TRAPPC9: variants seen among roughly 807,000 people sequenced by gnomAD.
TRAPPC9 encodes the protein trafficking protein particle complex subunit 9.
TRAPPC9 carries 83 observed loss-of-function variants against 124.0 expected under a neutral mutation model. The ratio of observed to expected loss-of-function variants is 0.67; its 90% CI spans 0.56 to 0.80. The LOEUF (loss-of-function observed/expected upper bound fraction) is 0.80. TRAPPC9 is among the 30% of genes least tolerant of loss of function. The probability of loss-of-function intolerance (pLI) is 0.00; values close to 1 mark genes in which losing one functional copy is unlikely to be tolerated. For missense variants in TRAPPC9, 1,302 were observed against 1,508.3 expected (o/e 0.86, Z 2.27); for synonymous variants, 638 against 617.5 (o/e 1.03, Z -0.49).
At chr8:139,887,033 C>A (rs548039910) in intron 20 of TRAPPC9, among the ~76,000 whole-genome samples, 3 of 152,150 alleles carry the variant, frequency 2.0e-5, no homozygotes, top group South Asian at 4.2e-4. Flanking sequence ...CTCAGCAGAG[C>A]GGGCATATCC....
chr8:139,915,328 C>A (rs1832053858), intron 19 of TRAPPC9, among the ~76,000 whole-genome samples: 1 of 152,136 alleles, frequency 6.6e-6, no homozygotes, highest in Non-Finnish European at 1.5e-5. Context: ...CTCACTGCAA[C>A]CTCCGCTTCC....
chr8:140,358,993 G>A (rs918248952), intron 9 of TRAPPC9, among the ~76,000 whole-genome samples: 2 of 152,294 alleles, frequency 1.3e-5, no homozygotes, highest in Admixed American at 1.3e-4. Flanking sequence ...GTCAGCAGAA[G>A]CCTTGTCTCC....
chr8:139,952,591 C>G (rs778436542), intron 19 of TRAPPC9, among the ~76,000 whole-genome samples: 1 of 151,948 alleles, frequency 6.6e-6, no homozygotes, highest in Non-Finnish European at 1.5e-5. Context: ...GAAAAGGGAA[C>G]AAGAGGATAG....
chr8:140,302,637 G>A (rs752192139), intron 10 of TRAPPC9: 27 of 152,226 alleles, frequency 1.8e-4, no homozygotes, highest in African/African-American at 6.0e-4. Flanking sequence ...TCAGGAAAGC[G>A]ACGCCAGACG....
intron 21 of TRAPPC9, among the ~76,000 whole-genome samples, chr8:139,850,902 T>C (rs889852099): frequency 6.6e-6 from 1 of 152,174 alleles, no homozygotes; most frequent in African/African-American, 2.4e-5. Flanking sequence ...ATTCCTGATA[T>C]GGCAGGATCA....
At chr8:140,272,740 G>A (rs1395758194) in intron 15 of TRAPPC9, among the ~76,000 whole-genome samples, 1 of 151,970 alleles carries the variant, frequency 6.6e-6, no homozygotes, top group Non-Finnish European at 1.5e-5. Flanking sequence ...GGGGAGAGGG[G>A]AGGAGGCACC....
chr8:139,836,006 A>C lies in TRAPPC9; in HGVS notation c.3055+49873T>G, dbSNP rs535328362. Among the ~76,000 whole-genome samples the C allele has an allele frequency of 3.4e-3, 419 of 122,744 alleles. 3 individuals are homozygous for C. Among genetic ancestry groups the C allele is most frequent in the African/African-American group, 0.019 (397 of 20,724 alleles). 80.5% of individuals were successfully genotyped at this position (122,744 alleles called of 152,430 possible). ...GGGTGTAGCACAAAGGGAAGCATTT[A>C]TTTATTTATTTATTTTTTTTGAGAC... On this transcript the variant is annotated intron_variant, in intron 21 of 22. Transcript: ENST00000438773.
intron 9 of TRAPPC9, among the ~76,000 whole-genome samples, chr8:140,351,716 T>A (rs1295543977): frequency 1.3e-5 from 2 of 152,220 alleles, no homozygotes; most frequent in South Asian, 2.1e-4. Flanking sequence ...GGTTTTGGTA[T>A]CCAAGAGAGA....
chr8:140,351,682 A>G (rs1236668922), intron 9 of TRAPPC9, among the ~76,000 whole-genome samples: 1 of 152,216 alleles, frequency 6.6e-6, no homozygotes, highest in African/African-American at 2.4e-5. Flanking sequence ...ATGCCATTTT[A>G]TATCAGGGAC....
chr8:140,430,966 G>A (rs968550866), intron 4 of TRAPPC9, among the ~76,000 whole-genome samples: 1 of 151,960 alleles, frequency 6.6e-6, no homozygotes, highest in East Asian at 1.9e-4. Context: ...CACTAATAAG[G>A]GCGGAATTTT....
chr8:140,380,691 A>AC (rs2068580057), intron 7 of TRAPPC9, among the ~76,000 whole-genome samples: 2 of 148,544 alleles, frequency 1.3e-5, no homozygotes, highest in African/African-American at 5.0e-5. Context: ...AATAAATTGG[A>AC]CCCCCTAACT....
rs78658320 is a variant in TRAPPC9 at position 140,350,563 on chromosome 8, G to A, written c.1495+9487C>T. 8.0e-3 allele frequency among the ~76,000 whole-genome samples: 1,221 copies of A among 152,198 alleles called. 13 individuals are homozygous for A. Among genetic ancestry groups the A allele is most frequent in the Non-Finnish European group, 0.014 (930 of 68,006 alleles). ...AGGACAAGGCAGATGGGGTCTGCTAGCCTCTCACGTTAAGACTGGGAAACG... is the reference window on the plus strand; with the variant it reads ...AGGACAAGGCAGATGGGGTCTGCTAACCTCTCACGTTAAGACTGGGAAACG... On this transcript the variant is annotated intron_variant, in intron 9 of 22. Coordinates refer to ENST00000438773, the MANE Select transcript of TRAPPC9 (RefSeq NM_001160372.4).
intron 17 of TRAPPC9, among the ~76,000 whole-genome samples, chr8:140,070,933 G>C (rs772774870): frequency 2.0e-5 from 3 of 152,234 alleles, no homozygotes; most frequent in Non-Finnish European, 4.4e-5. Context: ...CTCAGGCTCT[G>C]TTGTGAAGCA....
At chr8:139,841,408 C>T (rs1826722089) in intron 21 of TRAPPC9, among the ~76,000 whole-genome samples, 1 of 152,244 alleles carries the variant, frequency 6.6e-6, no homozygotes, top group African/African-American at 2.4e-5. Context: ...GCACAGGAGC[C>T]TGCTGGTGGG....
chr8:140,429,615 G>A (rs906967135), intron 4 of TRAPPC9, among the ~76,000 whole-genome samples: 3 of 152,034 alleles, frequency 2.0e-5, no homozygotes, highest in African/African-American at 7.2e-5. Flanking sequence ...CGACCAGCCT[G>A]GCCAACATGG....
At chr8:140,456,561 T>C (rs980411679) in intron 1 of TRAPPC9, among the ~76,000 whole-genome samples, 10 of 151,178 alleles carry the variant, frequency 6.6e-5, no homozygotes, top group African/African-American at 2.4e-4. Flanking sequence ...CAACTGTTTT[T>C]CCCTCTACAC....
At chr8:139,952,041 G>C (rs2131511372) in intron 19 of TRAPPC9, among the ~76,000 whole-genome samples, 1 of 152,262 alleles carries the variant, frequency 6.6e-6, no homozygotes, top group South Asian at 2.1e-4. Flanking sequence ...TAAGGAGTAA[G>C]GTGAAGGAAA....
At chr8:139,898,242 G>A (rs771070607) in intron 20 of TRAPPC9, among the ~76,000 whole-genome samples, 3 of 152,220 alleles carry the variant, frequency 2.0e-5, no homozygotes, top group Non-Finnish European at 4.4e-5. Context: ...TCTGGGCCCC[G>A]TGCCTCACTT....
intron 9 of TRAPPC9, among the ~76,000 whole-genome samples, chr8:140,321,064 T>C (rs1049408488): frequency 1.3e-5 from 2 of 152,226 alleles, no homozygotes; most frequent in Non-Finnish European, 2.9e-5. Context: ...CATGGAGGAC[T>C]TGCAAGATTC....
Sources: gnomAD v4.1 joint callset for allele counts (sites outside exome capture counted in the v4.1 genomes callset) on GRCh38, gnomAD v4.1.1 for gene constraint, MANE v1.5 for transcripts, NCBI Gene and HGNC (gene_info 2026-07-23, HGNC 2026-07-21) for gene names.